CEMIP: variants seen among roughly 807,000 people sequenced by gnomAD.
CEMIP encodes cell migration inducing hyaluronidase 1.
CEMIP carries 105 observed loss-of-function variants against 156.9 expected under a neutral mutation model. The observed-to-expected ratio is 0.67, with a 90% CI of 0.57 to 0.79. The LOEUF (loss-of-function observed/expected upper bound fraction) is 0.79. Ranked by LOEUF, CEMIP falls within the 30% of genes least tolerant of loss-of-function variation. CEMIP has a pLI of 0.00. For missense variants in CEMIP, 1,457 were observed against 1,769.4 expected (o/e 0.82, Z 3.17); for synonymous variants, 676 against 668.4 (o/e 1.01, Z -0.17).
rs1052219644 is a variant in CEMIP at position 80,906,233 on chromosome 15, G to A, written c.1412-430G>A. Among the ~76,000 whole-genome samples the A allele has an allele frequency of 6.6e-6, 1 of 152,174 alleles. No homozygotes were observed. Among genetic ancestry groups the A allele is most frequent in the Non-Finnish European group, 1.5e-5 (1 of 68,030 alleles). On this transcript the variant is annotated intron_variant, in intron 12 of 29. Transcript: ENST00000394685. This position sits in a 1 kb window ranked among gnomAD's most constrained non-coding sequence, Gnocchi z 4.3. The stretch of plus-strand genomic sequence containing the variant: ...CATGGTGCTCACCTGCATGGGCGAG[G>A]CTGGCCTGCCAGCCCCCAGAAAAGA...
intron 1 of CEMIP, among the ~76,000 whole-genome samples, chr15:80,840,716 G>A (rs1897390007): frequency 6.6e-6 from 1 of 152,214 alleles, no homozygotes; most frequent in Non-Finnish European, 1.5e-5. Flanking sequence ...TTGCCCAGTT[G>A]CCCTGGACAC....
intron 23 of CEMIP, among the ~76,000 whole-genome samples, chr15:80,933,683 C>G (rs992813925): frequency 6.6e-6 from 1 of 152,024 alleles, no homozygotes; most frequent in African/African-American, 2.4e-5. Flanking sequence ...AAAAAAGAAC[C>G]CTCTGGGTCA....
chr15:80,920,991 G>A (rs777924222), intron 15 of CEMIP, 41 bp from the exon 16 acceptor site: 45 of 1,577,792 alleles, frequency 2.9e-5, no homozygotes, highest in East Asian at 6.7e-5. Flanking sequence ...GACCCCTGGC[G>A]GCCCTTTATC....
At chr15:80,913,821 T>C (rs181295058) in intron 14 of CEMIP, among the ~76,000 whole-genome samples, 134 of 152,364 alleles carry the variant, frequency 8.8e-4, no homozygotes, top group Non-Finnish European at 1.7e-3. Context: ...CATGCCTTCT[T>C]TCCCTGTTTT....
At chr15:80,780,389 T>A (rs948603603) in intron 1 of CEMIP, among the ~76,000 whole-genome samples, 1 of 152,162 alleles carries the variant, frequency 6.6e-6, no homozygotes, top group Non-Finnish European at 1.5e-5. Context: ...CTCGCCGCTC[T>A]GGGAACGAAG....
chr15:80,835,157 G>A (rs1355619270), intron 1 of CEMIP, among the ~76,000 whole-genome samples: 1 of 152,142 alleles, frequency 6.6e-6, no homozygotes, highest in African/African-American at 2.4e-5. Flanking sequence ...TTGGCATTCA[G>A]TGGGTTTAGC....
chr15:80,857,572 AC>A (rs1293023171), intron 1 of CEMIP, among the ~76,000 whole-genome samples: 1 of 152,088 alleles, frequency 6.6e-6, no homozygotes, highest in African/African-American at 2.4e-5. Context: ...CAGAGGAAGG[AC>A]CCTTAGAAGT....
intron 10 of CEMIP, 128 bp from the exon 11 acceptor site, chr15:80,894,862 C>A (rs1899158364): frequency 9.0e-7 from 1 of 1,112,764 alleles, no homozygotes; most frequent in Non-Finnish European, 1.4e-6. Context: ...TCATCTCGGG[C>A]CGTTGTAAAT....
chr15:80,789,991 A>C (rs60764471), intron 1 of CEMIP, among the ~76,000 whole-genome samples: 1 of 152,152 alleles, frequency 6.6e-6, no homozygotes, highest in Non-Finnish European at 1.5e-5. Flanking sequence ...AGAGAGGCAG[A>C]GTCACTATTT....
At position 80,884,303 on chromosome 15, in the gene CEMIP, G is replaced by A. The variant is rs542993564; in HGVS notation, c.746G>A (p.Arg249Lys). The change falls in exon 7 of 30, where the codon AGG (arginine) becomes AAG (lysine). Residue 249 changes from arginine to lysine, a missense_variant. Physicochemically the swap from Arg to Lys is conservative, Grantham distance 26. Coordinates refer to ENST00000394685, the MANE Select transcript of CEMIP (RefSeq NM_001293298.2). The part of the protein sequence containing the change: ...EGSRNLDDMA[R>K]KAMTKLGSKH... ...TCTCGAAATCTGGATGACATGGCCA[G>A]GAAGGCGATGACCAAATTGGGAAGC... 18 of 1,614,112 alleles carry A rather than the reference G, an allele frequency of 1.1e-5. No individual in the cohort carries two copies. Among genetic ancestry groups the A allele is most frequent in the Admixed American group, 1.7e-5 (1 of 60,014 alleles).
chr15:80,830,596 G>A (rs981994995), intron 1 of CEMIP, among the ~76,000 whole-genome samples: 10 of 152,290 alleles, frequency 6.6e-5, no homozygotes, highest in South Asian at 6.2e-4. Flanking sequence ...TGGAGTTGCC[G>A]GGGGATGAAC....
rs145411377 is a variant in CEMIP, at chr15:80,870,247, C to G, written c.-175-3291C>G. Reference sequence around the variant, plus strand: ...TCACCTCATGCAGGGTGGGTAGGGACGGGGATGGCTGTCCCTCTGCTGTCT... The same window carrying G: ...TCACCTCATGCAGGGTGGGTAGGGAGGGGGATGGCTGTCCCTCTGCTGTCT... On this transcript the variant is annotated intron_variant, in intron 1 of 29. Transcript: ENST00000394685. Among the ~76,000 whole-genome samples the G allele has an allele frequency of 2.7e-5, 4 of 149,776 alleles. No individual in the cohort carries two copies. In the South Asian group the frequency reaches 6.6e-4, roughly 25 times the overall value.
intron 1 of CEMIP, among the ~76,000 whole-genome samples, chr15:80,847,543 T>C (rs1355974189): frequency 1.3e-5 from 2 of 152,232 alleles, no homozygotes; most frequent in East Asian, 3.8e-4. Flanking sequence ...TTCACTGCTA[T>C]ACCACCTGGG....
chr15:80,894,613 G>A (rs192873857), intron 10 of CEMIP, among the ~76,000 whole-genome samples: 278 of 152,298 alleles, frequency 1.8e-3, no homozygotes, highest in Non-Finnish European at 3.4e-3. Flanking sequence ...TGTTTGGACT[G>A]TTGGCCGCTG....
At chr15:80,922,601 G>C (rs1373468557) in intron 17 of CEMIP, among the ~76,000 whole-genome samples, 1 of 152,202 alleles carries the variant, frequency 6.6e-6, no homozygotes, top group African/African-American at 2.4e-5. Context: ...CTCTTGTCTT[G>C]TTTCTTGGGA....
chr15:80,815,822 G>A (rs7173208), intron 1 of CEMIP, among the ~76,000 whole-genome samples: 34,996 of 152,144 alleles, frequency 0.23, 4,268 homozygotes, highest in East Asian at 0.39. Context: ...AGTTTAAGGC[G>A]AAATGATAAA....
intron 1 of CEMIP, among the ~76,000 whole-genome samples, chr15:80,796,190 T>C (rs1896218943): frequency 1.3e-5 from 2 of 152,190 alleles, no homozygotes; most frequent in Non-Finnish European, 2.9e-5. Context: ...CCTAGGCTGG[T>C]TTCAAATTCC....
At chr15:80,815,626 G>A (rs1896773590) in intron 1 of CEMIP, among the ~76,000 whole-genome samples, 1 of 139,206 alleles carries the variant, frequency 7.2e-6, no homozygotes, top group Non-Finnish European at 1.6e-5. Context: ...CTTCTCCTTT[G>A]TTTCTTAGTT....
intron 25 of CEMIP, among the ~76,000 whole-genome samples, chr15:80,938,922 C>T (rs542230157): frequency 1.3e-5 from 2 of 152,200 alleles, no homozygotes; most frequent in South Asian, 4.2e-4. Context: ...ATATGGAAGT[C>T]AATGATAAAG....
Sources: allele counts gnomAD v4.1 joint callset (sites outside exome capture counted in the v4.1 genomes callset), GRCh38; gene constraint gnomAD v4.1.1; non-coding constraint Gnocchi (gnomAD v3.1); transcripts MANE v1.5; gene names NCBI Gene and HGNC (gene_info 2026-07-23, HGNC 2026-07-21).